The following KBTBD2 variants were observed in gnomAD, a reference collection of about 807,000 sequenced individuals.
KBTBD2 encodes kelch repeat and BTB domain containing 2.
KBTBD2 carries 17 observed loss-of-function variants against 57.1 expected under a neutral mutation model. The ratio of observed to expected loss-of-function variants is 0.30; its 90% CI spans 0.20 to 0.45. The LOEUF is 0.45. Among genes scored for constraint, KBTBD2 ranks in the 20% least tolerant of loss-of-function variants. The probability of loss-of-function intolerance (pLI) is 1.00; values close to 1 mark genes in which losing one functional copy is unlikely to be tolerated. For synonymous variants in KBTBD2, 267 were observed against 262.7 expected (o/e 1.02, Z -0.16); for missense variants, 515 against 750.6 (o/e 0.69, Z 3.67).
intron 2 of KBTBD2, 70 bp downstream of exon 2, chr7:32,879,365 G>T: frequency 8.4e-7 from 1 of 1,184,938 alleles, no homozygotes; most frequent in South Asian, 1.5e-5. Context: ...AACAAAAATT[G>T]AGATGTGGCT....
Position 32,869,107 on chromosome 7 carries a change from G to T in KBTBD2, c.*238C>A. 2.4e-6 allele frequency: 1 copy of T among 420,682 alleles called. No individual in the cohort carries two copies. Among genetic ancestry groups the T allele is most frequent in the Non-Finnish European group, 4.2e-6 (1 of 236,942 alleles). The allele number at this position is 420,682 out of a possible 1,614,324, so 26.1% of individuals were successfully genotyped here. On this transcript the variant is annotated 3_prime_UTR_variant, in exon 4 of 4. Coordinates refer to ENST00000304056, the MANE Select transcript of KBTBD2 (RefSeq NM_015483.3). The stretch of plus-strand genomic sequence containing the variant: ...ATAATCCAGATTCTTATACTCTCAT[G>T]ATTACACATAAAGTTTCTCAATTAT...
Position 32,870,546 on chromosome 7 carries a change from G to A in KBTBD2, c.671C>T (p.Ala224Val). 1 of 1,614,134 alleles carries A rather than the reference G, an allele frequency of 6.2e-7. No homozygotes were observed. Among genetic ancestry groups the A allele is most frequent in the Non-Finnish European group, 8.5e-7 (1 of 1,180,008 alleles). The change falls in exon 4 of 4, where the codon GCA (alanine) becomes GTA (valine). Residue 224 changes from alanine to valine, a missense_variant. Physicochemically the swap from Ala to Val is moderately conservative, Grantham distance 64. Coordinates refer to ENST00000304056, the MANE Select transcript of KBTBD2 (RefSeq NM_015483.3). ...SSVLSQIRID[A>V]LSEVTQRAWF... ...AGCTCTCTGTGTTACTTCTGAAAGT[G>A]CATCAATTCTGATTTGGCTAAGAAC...
At position 32,869,508 on chromosome 7, in the gene KBTBD2, C is replaced by T. The variant is rs769428932; in HGVS notation, c.1709G>A (p.Arg570His). Residue 570 changes from arginine to histidine, a missense_variant, in exon 4 of 4, where the codon CGT becomes CAT. By Grantham distance (29) the Arg-to-His change is conservative. Transcript: ENST00000304056. ...ATCTCTCCCCAAGTCCCACAGTACA[C>T]GTTCAGATATATGCTGCCGCAGAGA... The part of the protein sequence containing the change: ...RWSLRQHISE[R>H]VLWDLGRDFR... 2.5e-6 allele frequency: 4 copies of T among 1,614,172 alleles called. No individual in the cohort carries two copies. Among genetic ancestry groups the T allele is most frequent in the South Asian group, 2.2e-5 (2 of 91,086 alleles).
At chr7:32,886,781 A>G (rs561798522) in intron 1 of KBTBD2, among the ~76,000 whole-genome samples, 48 of 152,364 alleles carry the variant, frequency 3.2e-4, no homozygotes, top group Admixed American at 1.7e-3. Context: ...GAAAATTTAC[A>G]AAGTAAATAC....
chr7:32,891,372 G>A (rs911276660), intron 1 of KBTBD2, among the ~76,000 whole-genome samples, 164 bp downstream of exon 1: 5 of 144,956 alleles, frequency 3.4e-5, no homozygotes, highest in Admixed American at 1.4e-4. Context: ...CCCCTCCCCC[G>A]CCCGCGGCGG....
intron 1 of KBTBD2, among the ~76,000 whole-genome samples, chr7:32,884,976 G>GTGTA (rs1330517519): frequency 6.9e-5 from 9 of 130,072 alleles, no homozygotes; most frequent in African/African-American, 2.2e-4. Context: ...GTATGTGTGT[G>GTGTA]TATATATATA....
At chr7:32,885,473 A>T (rs1372053071) in intron 1 of KBTBD2, among the ~76,000 whole-genome samples, 5 of 40,150 alleles carry the variant, frequency 1.2e-4, no homozygotes, top group East Asian at 7.9e-4. Context: ...AATTAAGGTT[A>T]AAAAAAAAAA....
In KBTBD2 at chr7:32,869,603, C is replaced by T. The variant is rs745646503; in HGVS notation, c.1614G>A (p.Met538Ile). The T allele has an allele frequency of 6.2e-7, 1 of 1,614,158 alleles. No individual in the cohort carries two copies. Among genetic ancestry groups the T allele is most frequent in the Admixed American group, 1.7e-5 (1 of 60,020 alleles). Residue 538 changes from methionine (M) to isoleucine (I), a missense_variant, in exon 4 of 4, where the codon ATG becomes ATA. Met to Ile is a conservative substitution (Grantham distance 10, BLOSUM62 1). Transcript: ENST00000304056. ...CTCGCTCATTTAAGTGGGTTTCTCG[C>T]ATAAACACACATAGAGAATTTGAGA... ...VVISNSLCVFMRETHLNERAK... is the reference protein window; with the variant it reads ...VVISNSLCVFIRETHLNERAK...
In KBTBD2 at chr7:32,870,571, C is replaced by G. The variant is rs1583771051; in HGVS notation, c.646G>C (p.Val216Leu). 3.1e-6 allele frequency: 5 copies of G among 1,614,042 alleles called. No homozygotes were observed. The highest frequency in any genetic ancestry group is 3.4e-6 in the Non-Finnish European group (4 of 1,180,024). ...GCATCAATTCTGATTTGGCTAAGAA[C>G]AGAAGACAAATACTGGGATCGTGAT... ...TESRSQYLSS[V>L]LSQIRIDALS... Residue 216 changes from valine to leucine, a missense_variant, in exon 4 of 4, where the codon GTT (valine) becomes CTT (leucine). By Grantham distance (32) the Val-to-Leu change is conservative (BLOSUM62 1). Transcript: ENST00000304056.
At chr7:32,888,642 C>T (rs563479980) in intron 1 of KBTBD2, among the ~76,000 whole-genome samples, 1 of 151,584 alleles carries the variant, frequency 6.6e-6, no homozygotes, top group East Asian at 1.9e-4. Context: ...TTGCAGTGAG[C>T]CGAGATCGCA....
intron 1 of KBTBD2, among the ~76,000 whole-genome samples, chr7:32,887,576 G>A (rs1026848071): frequency 2.6e-5 from 4 of 152,288 alleles, no homozygotes; most frequent in South Asian, 2.1e-4. Flanking sequence ...CCTCCAGGAG[G>A]GGCAGTGCGG....
chr7:32,872,310 C>G (rs1428176117), intron 3 of KBTBD2, among the ~76,000 whole-genome samples: 1 of 152,132 alleles, frequency 6.6e-6, no homozygotes, highest in African/African-American at 2.4e-5. Context: ...ACTAGTGCAC[C>G]AGCAAGCTAC....
At chr7:32,889,891 C>T (rs184145109) in intron 1 of KBTBD2, among the ~76,000 whole-genome samples, 18 of 152,284 alleles carry the variant, frequency 1.2e-4, no homozygotes, top group South Asian at 6.2e-4. Flanking sequence ...AGGAATTCAC[C>T]TTGCACATTC....
rs1219880052 is a variant in KBTBD2 at position 32,868,939 on chromosome 7, G to C, written c.*406C>G. 1 of 159,390 alleles carries C rather than the reference G, an allele frequency of 6.3e-6. No individual in the cohort carries two copies. The highest frequency in any genetic ancestry group is 1.4e-5 in the Non-Finnish European group (1 of 71,938). The allele number at this position is 159,390 out of a possible 1,614,324, so 9.9% of individuals were successfully genotyped here. On this transcript the variant is annotated 3_prime_UTR_variant, in exon 4 of 4. Coordinates refer to ENST00000304056, the MANE Select transcript of KBTBD2 (RefSeq NM_015483.3). ...TAATTACACTGAAAACTGTATTCCAGGACTTCAGAACAGAAGCACGGGAAT... is the reference window on the plus strand; with the variant it reads ...TAATTACACTGAAAACTGTATTCCACGACTTCAGAACAGAAGCACGGGAAT...
At chr7:32,873,548 A>G (rs946396701) in intron 3 of KBTBD2, among the ~76,000 whole-genome samples, 8 of 152,192 alleles carry the variant, frequency 5.3e-5, no homozygotes, top group African/African-American at 1.9e-4. Context: ...GGCCTGGCCA[A>G]TGTGGTGAAA....
chr7:32,890,884 A>G (rs1784716545), intron 1 of KBTBD2: 1 of 152,200 alleles, frequency 6.6e-6, no homozygotes, highest in Non-Finnish European at 1.5e-5. Flanking sequence ...CACCAAACTA[A>G]GCGATTTTTC....
Position 32,879,590 on chromosome 7 carries a change from G to A in KBTBD2, c.15C>T (p.Asp5=), listed in dbSNP as rs1166407350. The A allele has an allele frequency of 3.1e-6, 5 of 1,612,748 alleles. No individual in the cohort carries two copies. In the East Asian group the frequency reaches 6.7e-5, roughly 22 times the overall value. MSTQ[D]ERQINTEYAV... ...CATATTCAGTATTGATCTGCCTCTC[G>A]TCTTGAGTGGACATGACTGTATTCC... is the stretch of plus-strand genomic sequence containing the variant. The change falls in exon 2 of 4, where the codon GAC becomes GAT. Residue 5 remains aspartate, a synonymous_variant. Transcript: ENST00000304056.
Position 32,869,371 on chromosome 7 carries a change from C to G in KBTBD2, c.1846G>C (p.Glu616Gln). The G allele has an allele frequency of 1.2e-6, 2 of 1,612,342 alleles. No homozygotes were observed. The highest frequency in any genetic ancestry group is 1.7e-6 in the Non-Finnish European group (2 of 1,178,966). The change falls in exon 4 of 4, where the codon GAA (glutamate) becomes CAA (glutamine). Residue 616 changes from glutamate (E) to glutamine (Q), a missense_variant. Glu to Gln is a conservative substitution (Grantham distance 29). Transcript: ENST00000304056. ...TATACAGGTGGTAGTGCAACCATTT[C>G]TCCATCCAGTTCAAACTCTTCTGTC... ...DGTEEFELDGEMVALPPV is the reference protein window; with the variant it reads ...DGTEEFELDGQMVALPPV
At chr7:32,877,674 G>A (rs989396304) in intron 2 of KBTBD2, among the ~76,000 whole-genome samples, 4 of 152,226 alleles carry the variant, frequency 2.6e-5, no homozygotes, top group Admixed American at 2.0e-4. Context: ...AACTGTCCCA[G>A]GCACAAGATT....
Sources: gnomAD v4.1 joint callset for allele counts (sites outside exome capture counted in the v4.1 genomes callset) on GRCh38, gnomAD v4.1.1 for gene constraint, MANE v1.5 for transcripts, NCBI Gene and HGNC (gene_info 2026-07-23, HGNC 2026-07-21) for gene names.